Variants in LRP2 observed in about 807,000 individuals in gnomAD.
LRP2 encodes the protein LDL receptor related protein 2.
Under a neutral mutation model 531.0 loss-of-function variants are expected in LRP2, and 172 were observed. That is an observed-to-expected ratio of 0.32 (90% CI 0.29 to 0.37). The LOEUF is 0.37. Ranked by LOEUF, LRP2 falls within the 10% of genes least tolerant of loss-of-function variation. The probability of loss-of-function intolerance (pLI) is 1.00; values close to 1 mark genes in which losing one functional copy is unlikely to be tolerated. For synonymous variants in LRP2, 1,992 were observed against 2,027.6 expected, an observed-to-expected ratio of 0.98 and a Z score of 0.47; for missense variants, 5,167 against 5,868.3, an observed-to-expected ratio of 0.88 and a Z score of 3.90.
intron 34 of LRP2, among the ~76,000 whole-genome samples, chr2:169,218,801 A>G (rs972840185): frequency 2.0e-5 from 3 of 152,094 alleles, no homozygotes; most frequent in African/African-American, 4.8e-5. Context: ...TTACTGCTCG[A>G]AAGATCTTGA....
At chr2:169,347,821 TTGAATGAA>T (rs113680574) in intron 1 of LRP2, among the ~76,000 whole-genome samples, 1 of 152,076 alleles carries the variant, frequency 6.6e-6, no homozygotes, top group Non-Finnish European at 1.5e-5. Context: ...GCAACATATA[TTGAATGAA>T]TGAATGAATG....
At chr2:169,360,416 A>G (rs1686118477) in intron 1 of LRP2, among the ~76,000 whole-genome samples, 1 of 147,338 alleles carries the variant, frequency 6.8e-6, no homozygotes, top group African/African-American at 2.4e-5. Context: ...TACTATTACT[A>G]TACACATTAT....
chr2:169,259,604 G>A (rs1207991695), intron 16 of LRP2, among the ~76,000 whole-genome samples: 1 of 151,860 alleles, frequency 6.6e-6, no homozygotes, highest in African/African-American at 2.4e-5. Flanking sequence ...GACACCACCA[G>A]GTACGACCTG....
intron 44 of LRP2, 48 bp from the exon 45 acceptor site, chr2:169,198,959 T>G: frequency 6.3e-7 from 1 of 1,594,200 alleles, no homozygotes; most frequent in Non-Finnish European, 8.6e-7. Flanking sequence ...CCACCAAATA[T>G]GTATTATGAA....
intron 71 of LRP2, 134 bp downstream of exon 71, chr2:169,142,540 C>T: frequency 4.0e-6 from 5 of 1,249,266 alleles, no homozygotes; most frequent in Non-Finnish European, 5.8e-6. Flanking sequence ...TTCATACCTC[C>T]CACATCCCTT....
chr2:169,289,221 C>T, intron 8 of LRP2, 76 bp from the exon 9 acceptor site: 1 of 1,562,136 alleles, frequency 6.4e-7, no homozygotes, highest in Non-Finnish European at 8.8e-7. Flanking sequence ...GCTTCTTTTT[C>T]CATGAGTAGC....
intron 75 of LRP2, among the ~76,000 whole-genome samples, chr2:169,137,756 A>G (rs1685571961): frequency 6.6e-6 from 1 of 152,194 alleles, no homozygotes; most frequent in Admixed American, 6.5e-5. Context: ...GGAAATGGTA[A>G]CATTCTTCTT....
At chr2:169,193,682 C>T (rs2105313914) in intron 47 of LRP2, 79 bp downstream of exon 47, 6 of 1,570,772 alleles carry the variant, frequency 3.8e-6, no homozygotes, top group Non-Finnish European at 5.3e-6. Context: ...TGCAATCATA[C>T]TCTCCAAACA....
At chr2:169,327,421 C>T (rs1337529315) in intron 1 of LRP2, among the ~76,000 whole-genome samples, 2 of 129,744 alleles carry the variant, frequency 1.5e-5, no homozygotes, top group Non-Finnish European at 1.7e-5. Flanking sequence ...CCAGCCACCC[C>T]GTCCGGGAGG....
At chr2:169,205,890 T>C in intron 40 of LRP2, 133 bp downstream of exon 40, 2 of 1,241,408 alleles carry the variant, frequency 1.6e-6, no homozygotes, top group African/African-American at 1.5e-5. Context: ...TCACTCAATA[T>C]GCTTTCATTT....
chr2:169,168,836 A>G (rs1171696417), intron 60 of LRP2, among the ~76,000 whole-genome samples, 160 bp from the exon 61 acceptor site: 1 of 152,212 alleles, frequency 6.6e-6, no homozygotes, highest in Non-Finnish European at 1.5e-5. Context: ...TGAACGGACT[A>G]TGTCTTAAGG....
chr2:169,204,163 A>T lies in LRP2; in HGVS notation c.7824T>A (p.Thr2608=). 5 of 1,614,212 alleles carry T rather than the reference A, an allele frequency of 3.1e-6. No individual in the cohort carries two copies. The highest frequency in any genetic ancestry group is 4.2e-6 in the Non-Finnish European group (5 of 1,180,036). ...LTLYGQYIYW[T]DLYTQRIYRA... is the part of the protein sequence containing the mutation. ...GGTAAATTCTTTGTGTGTACAAGTC[A>T]GTCCAGTAAATATACTGGCCATAGA... Residue 2608 remains threonine (T), a synonymous_variant, in exon 42 of 79, where the codon ACT becomes ACA. Coordinates refer to ENST00000649046, the MANE Select transcript of LRP2 (RefSeq NM_004525.3).
intron 1 of LRP2, among the ~76,000 whole-genome samples, chr2:169,327,758 G>A (rs1307847584): frequency 1.6e-5 from 2 of 123,880 alleles, no homozygotes; most frequent in African/African-American, 3.1e-5. Flanking sequence ...AGGGAGGTGG[G>A]GGGGTCAGCC....
Position 169,212,189 on chromosome 2 carries a change from T to C in LRP2, c.6059A>G (p.Asn2020Ser). 2 of 1,614,064 alleles carry C rather than the reference T, an allele frequency of 1.2e-6. No individual in the cohort carries two copies. Among genetic ancestry groups the C allele is most frequent in the South Asian group, 1.1e-5 (1 of 91,074 alleles). Residue 2020 changes from asparagine (N) to serine (S), a missense_variant, in exon 37 of 79, where the codon AAT becomes AGT. Asn to Ser is a conservative substitution (Grantham distance 46, BLOSUM62 1). Transcript: ENST00000649046. ...YHRRNAAESS[N>S]GCSNNMNACQ... is the part of the protein sequence containing the mutation. ...GGCATTCATGTTGTTGCTACAGCCA[T>C]TTGAGGATTCGGCGGCATCTAAATG...
rs372658597 is a variant in LRP2 at position 169,277,708 on chromosome 2, A to G, written c.1772+37T>C. ...AGCCATTTTATGCACTTTCCCTGCA[A>G]CTTATAAAGCCATAAGCCATAAAAA... is the stretch of plus-strand genomic sequence containing the variant. On this transcript the variant is annotated intron_variant, in intron 13 of 78. Transcript: ENST00000649046. The G allele has an allele frequency of 3.2e-6, 5 of 1,577,908 alleles. No individual in the cohort carries two copies. In the Admixed American group the frequency reaches 5.0e-5, roughly 16 times the overall value.
chr2:169,344,560 C>T (rs947486983), intron 1 of LRP2, among the ~76,000 whole-genome samples: 2 of 152,034 alleles, frequency 1.3e-5, no homozygotes, highest in Non-Finnish European at 2.9e-5. Context: ...GTCAATATAT[C>T]CCAATATTTT....
At chr2:169,215,176 C>T (rs114862540) in intron 35 of LRP2, among the ~76,000 whole-genome samples, 4,224 of 152,220 alleles carry the variant, frequency 0.028, 185 homozygotes, top group African/African-American at 0.094. Context: ...CATTATAGGT[C>T]CATATTCGGA....
intron 20 of LRP2, 79 bp downstream of exon 20, chr2:169,247,299 C>G: frequency 6.8e-7 from 1 of 1,476,060 alleles, no homozygotes; most frequent in Non-Finnish European, 9.3e-7. Flanking sequence ...GTAATAAGTA[C>G]TTAAAGAGAA....
intron 9 of LRP2, among the ~76,000 whole-genome samples, chr2:169,286,930 T>C (rs1233269589): frequency 1.3e-5 from 2 of 152,160 alleles, no homozygotes; most frequent in Non-Finnish European, 2.9e-5. Context: ...GGAAAATGCC[T>C]AAAGAACTAA....
Sources: allele counts gnomAD v4.1 joint callset (sites outside exome capture counted in the v4.1 genomes callset), GRCh38; gene constraint gnomAD v4.1.1; transcripts MANE v1.5; gene names NCBI Gene and HGNC (gene_info 2026-07-23, HGNC 2026-07-21).